Variants in MIF4GD observed in about 807,000 individuals in gnomAD.
MIF4GD encodes the protein MIF4G domain containing, also known as MIF4G domain-containing protein.
A neutral mutation model predicts 26.7 loss-of-function variants in MIF4GD; 22 were observed. That is an observed-to-expected ratio of 0.82 (90% confidence interval 0.59 to 1.18). The LOEUF (loss-of-function observed/expected upper bound fraction) is 1.18. Ranked by LOEUF, MIF4GD falls within the 50% of genes most tolerant of loss-of-function variation. The pLI, the probability that MIF4GD is intolerant of heterozygous loss-of-function variation, is 0.00. For missense variants in MIF4GD, 262 were observed against 279.6 expected, an observed-to-expected ratio of 0.94 and a Z score of 0.45; for synonymous variants, 137 against 111.6, an observed-to-expected ratio of 1.23 and a Z score of -1.43.
chr17:75,269,796 C>A (rs931963297), intron 2 of MIF4GD, among the ~76,000 whole-genome samples: 2 of 128,758 alleles, frequency 1.6e-5, no homozygotes, highest in African/African-American at 6.0e-5. Context: ...CGGGACTGGT[C>A]TTGAACTCCT....
chr17:75,269,183 G>A (rs535274485), intron 2 of MIF4GD, among the ~76,000 whole-genome samples: 2 of 152,300 alleles, frequency 1.3e-5, no homozygotes, highest in African/African-American at 4.8e-5. Context: ...CTAGGTTGAG[G>A]AAGGAATACT....
intron 3 of MIF4GD, 51 bp from the exon 4 acceptor site, chr17:75,267,952 C>A: frequency 6.3e-7 from 1 of 1,599,834 alleles, no homozygotes; most frequent in Non-Finnish European, 8.5e-7. Context: ...GCCCCTGTAA[C>A]CCCACCCATC....
In MIF4GD at chr17:75,270,208, C is replaced by G. The variant is rs765095140; in HGVS notation, c.-13G>C. 6.2e-7 allele frequency: 1 copy of G among 1,611,560 alleles called. No individual in the cohort carries two copies. Among genetic ancestry groups the G allele is most frequent in the Non-Finnish European group, 8.5e-7 (1 of 1,177,724 alleles). On this transcript the variant is annotated 5_prime_UTR_variant, in exon 2 of 6. Coordinates refer to ENST00000325102, the MANE Select transcript of MIF4GD (RefSeq NM_001370592.1). This position sits in a 1 kb window ranked among gnomAD's most constrained non-coding sequence, Gnocchi z 5.7. ...TGGGCTCCCCCATGACTAGCCAGCC[C>G]CGGTAGCTCTTGACTGGGCTGGGAA...
intron 4 of MIF4GD, 29 bp downstream of exon 4, chr17:75,267,717 G>A (rs2077549469): frequency 6.2e-7 from 1 of 1,611,826 alleles, no homozygotes; most frequent in Admixed American, 1.7e-5. Context: ...GGCCATGTCT[G>A]CCTCCCAGGG....
chr17:75,269,017 G>A (rs1250785518), intron 2 of MIF4GD, among the ~76,000 whole-genome samples: 1 of 152,022 alleles, frequency 6.6e-6, no homozygotes, highest in Non-Finnish European at 1.5e-5. Flanking sequence ...AAAAAAAAGG[G>A]AAAAGAAACC....
At chr17:75,268,386 G>A (rs967046898) in intron 2 of MIF4GD, among the ~76,000 whole-genome samples, 194 bp from the exon 3 acceptor site, 13 of 152,168 alleles carry the variant, frequency 8.5e-5, no homozygotes, top group East Asian at 1.9e-4. Flanking sequence ...AATCATGGCC[G>A]GGCGCAGTGG....
chr17:75,267,524 C>G lies in MIF4GD; in HGVS notation c.441+14G>C. On this transcript the variant is annotated intron_variant, in intron 5 of 5. Coordinates refer to ENST00000325102, the MANE Select transcript of MIF4GD (RefSeq NM_001370592.1). ...GCAGCCTTCTGTGCTTGTGCCAGGG[C>G]TGGGGCCACCCACCTCCTCCTCCTT... The G allele has an allele frequency of 3.1e-6, 5 of 1,613,730 alleles. No homozygotes were observed. The highest frequency in any genetic ancestry group is 4.2e-6 in the Non-Finnish European group (5 of 1,179,790).
In MIF4GD at chr17:75,270,096, G is replaced by A. The variant is rs370246711; in HGVS notation, c.82+18C>T. ...TCTGTAGCTCCTGACCCCAGCTCAGGAGGGGTCCCGTGCTCACCTTTGAGT... is the reference window on the plus strand; with the variant it reads ...TCTGTAGCTCCTGACCCCAGCTCAGAAGGGGTCCCGTGCTCACCTTTGAGT... On this transcript the variant is annotated intron_variant, in intron 2 of 5. Coordinates refer to ENST00000325102, the MANE Select transcript of MIF4GD (RefSeq NM_001370592.1). This position sits in a 1 kb window ranked among gnomAD's most constrained non-coding sequence, Gnocchi z 5.7. The A allele has an allele frequency of 6.2e-7, 1 of 1,612,060 alleles. No homozygotes were observed. The highest frequency in any genetic ancestry group is 8.5e-7 in the Non-Finnish European group (1 of 1,178,288).
rs1243336869 is a variant in MIF4GD, at chr17:75,270,320, G to A, written c.-50-75C>T. On this transcript the variant is annotated intron_variant, in intron 1 of 5. Coordinates refer to ENST00000325102, the MANE Select transcript of MIF4GD (RefSeq NM_001370592.1). This position sits in a 1 kb window ranked among gnomAD's most constrained non-coding sequence, Gnocchi z 5.7. ...GGTTCCGTCCTGCAGGCCCTGGACGGGGCTGACGGCGCGCTCGGGACAGGG... is the reference window on the plus strand; with the variant it reads ...GGTTCCGTCCTGCAGGCCCTGGACGAGGCTGACGGCGCGCTCGGGACAGGG... 9.6e-6 allele frequency: 8 copies of A among 834,534 alleles called. No homozygotes were observed. The highest frequency in any genetic ancestry group is 1.4e-5 in the Non-Finnish European group (7 of 505,596). The allele number at this position is 834,534 out of a possible 1,614,324, so 51.7% of individuals were successfully genotyped here. A position where few individuals can be genotyped will look rare whatever the true frequency, so the allele number is the denominator to read the frequency against.
rs1455346971 is a variant in MIF4GD at position 75,270,013 on chromosome 17, G to C, written c.82+101C>G. On this transcript the variant is annotated intron_variant, in intron 2 of 5. Coordinates refer to ENST00000325102, the MANE Select transcript of MIF4GD (RefSeq NM_001370592.1). The surrounding 1 kb of genome is among the most constrained non-coding windows in gnomAD (Gnocchi z 5.7). ...CCGACTCCTATCGTCAGAGAATGAG[G>C]GGAGGGGTGGAGGCATTCACCAGGC... is the stretch of plus-strand genomic sequence containing the variant. The C allele has an allele frequency of 2.1e-6, 2 of 938,274 alleles. No homozygotes were observed. Among genetic ancestry groups the C allele is most frequent in the Non-Finnish European group, 3.4e-6 (2 of 588,194 alleles). The allele number at this position is 938,274 out of a possible 1,614,324, so 58.1% of individuals were successfully genotyped here.
Position 75,267,490 on chromosome 17 carries a change from G to A in MIF4GD, c.441+48C>T, listed in dbSNP as rs779117327. On this transcript the variant is annotated intron_variant, in intron 5 of 5. Transcript: ENST00000325102. ...GGCTGACACACGGCTGAGCTGGACT[G>A]TCCATCCTGCAGCCTTCTGTGCTTG... 9 of 1,581,324 alleles carry A rather than the reference G, an allele frequency of 5.7e-6. No individual in the cohort carries two copies. The Admixed American group carries it at 1.3e-4, about 23-fold the overall frequency.
At chr17:75,267,301 T>A (rs1385857944) in intron 5 of MIF4GD, 10 of 603,844 alleles carry the variant, frequency 1.7e-5, no homozygotes, top group Non-Finnish European at 2.9e-5. Context: ...CATCATACGT[T>A]GGCTTTCTGA....
chr17:75,268,372 A>G (rs940629973), intron 2 of MIF4GD, among the ~76,000 whole-genome samples, 180 bp from the exon 3 acceptor site: 2 of 152,132 alleles, frequency 1.3e-5, no homozygotes, highest in African/African-American at 2.4e-5. Flanking sequence ...TGGTACTTAT[A>G]AGAAATCATG....
intron 2 of MIF4GD, among the ~76,000 whole-genome samples, chr17:75,268,684 A>AT (rs1169827556): frequency 4.0e-5 from 6 of 148,398 alleles, no homozygotes; most frequent in African/African-American, 1.5e-4. Context: ...AAAAAAAAAA[A>AT]AAAAGAAAAA....
In MIF4GD at chr17:75,270,127, C is replaced by G; in HGVS notation, c.69G>C (p.Lys23Asn). 3 of 1,614,058 alleles carry G rather than the reference C, an allele frequency of 1.9e-6. No individual in the cohort carries two copies. The highest frequency in any genetic ancestry group is 2.5e-6 in the Non-Finnish European group (3 of 1,179,960). The stretch of plus-strand genomic sequence containing the variant: ...TCCCGTGCTCACCTTTGAGTGCTGT[C>G]TTCAGCAGCTGCTGGGTCTCTGCAT... ...SFDAETQQLL[K>N]TALKDPGAVD... Residue 23 changes from lysine to asparagine, a missense_variant, in exon 2 of 6, where the codon AAG becomes AAC. Transcript: ENST00000325102. The surrounding 1 kb of genome is among the most constrained non-coding windows in gnomAD (Gnocchi z 5.7).
intron 2 of MIF4GD, 125 bp from the exon 3 acceptor site, chr17:75,268,317 A>G (rs1300476624): frequency 1.3e-6 from 1 of 743,396 alleles, no homozygotes. Flanking sequence ...GAGATCAGAA[A>G]TCATACAGAG....
At chr17:75,269,170 G>T (rs1232128888) in intron 2 of MIF4GD, among the ~76,000 whole-genome samples, 1 of 152,184 alleles carries the variant, frequency 6.6e-6, no homozygotes, top group Non-Finnish European at 1.5e-5. Context: ...TCTTTTCCTG[G>T]CACTAGGTTG....
chr17:75,267,151 C>G (rs2077518350), intron 5 of MIF4GD, among the ~76,000 whole-genome samples, 184 bp from the exon 6 acceptor site: 1 of 152,016 alleles, frequency 6.6e-6, no homozygotes, highest in Non-Finnish European at 1.5e-5. Context: ...TGCCTGAGGT[C>G]CCTCATCTGG....
chr17:75,270,361 G>A lies in MIF4GD; in HGVS notation c.-50-116C>T. ...CGGGACAGGGACTCCTGGGCGGTCCGTGGCGTGCGGTGGTTGGCTGAAGGC... is the reference window on the plus strand; with the variant it reads ...CGGGACAGGGACTCCTGGGCGGTCCATGGCGTGCGGTGGTTGGCTGAAGGC... On this transcript the variant is annotated intron_variant, in intron 1 of 5. Transcript: ENST00000325102. The surrounding 1 kb of genome is among the most constrained non-coding windows in gnomAD (Gnocchi z 5.7). 4.9e-6 allele frequency: 3 copies of A among 613,634 alleles called. No homozygotes were observed. Among genetic ancestry groups the A allele is most frequent in the Non-Finnish European group, 8.7e-6 (3 of 344,486 alleles). 38.0% of individuals were successfully genotyped at this position (613,634 alleles called of 1,614,324 possible). A position where few individuals can be genotyped will look rare whatever the true frequency, so the allele number is the denominator to read the frequency against.
Sources: allele counts gnomAD v4.1 joint callset (sites outside exome capture counted in the v4.1 genomes callset), GRCh38; gene constraint gnomAD v4.1.1; non-coding constraint Gnocchi (gnomAD v3.1); transcripts MANE v1.5; gene names NCBI Gene and HGNC (gene_info 2026-07-23, HGNC 2026-07-21).